The following RANBP2 variants were observed in gnomAD, a reference collection of about 807,000 sequenced individuals.
RANBP2 encodes RAN binding protein 2, also known as E3 SUMO-protein ligase RanBP2.
RANBP2 carries 57 observed loss-of-function variants against 303.6 expected under a neutral mutation model. The observed-to-expected ratio is 0.19, with a 90% CI of 0.15 to 0.23. RANBP2 has a LOEUF of 0.23. RANBP2 is among the 10% of genes least tolerant of loss of function. RANBP2 has a pLI of 1.00. For missense variants in RANBP2, 3,138 were observed against 3,780.8 expected (o/e 0.83, Z 4.46); for synonymous variants, 1,167 against 1,301.5 (o/e 0.90, Z 2.23).
chr2:109,206,320 C>T, the RANBP2 span, among the ~76,000 whole-genome samples: 4 of 151,714 alleles, frequency 2.6e-5, no homozygotes, highest in Admixed American at 2.6e-4. Context: ...GAAACCCTGT[C>T]TCTACTAAAA....
At chr2:109,055,402 C>T in the RANBP2 span, among the ~76,000 whole-genome samples, 1 of 142,244 alleles carries the variant, frequency 7.0e-6, no homozygotes, top group Non-Finnish European at 1.5e-5. Context: ...CACTCTGTCA[C>T]CCAGGCTGGA....
chr2:108,783,333 TAAAA>T lies in RANBP2; in HGVS notation c.9370-237_9370-234del, dbSNP rs71381992. The stretch of plus-strand genomic sequence containing the variant: ...GCGACAGAGTGAGACAGCCTGTCAT[TAAAA>T]AAAAAAAAAAAAAAAAAAAAAAAAA... On this transcript the variant is annotated intron_variant, in intron 28 of 28. Coordinates refer to ENST00000283195, the MANE Select transcript of RANBP2 (RefSeq NM_006267.5). Among the ~76,000 whole-genome samples the T allele has an allele frequency of 2.9e-4, 12 of 41,428 alleles. No homozygotes were observed. In the South Asian group the frequency reaches 0.012, roughly 43 times the overall value. 27.2% of individuals were successfully genotyped at this position (41,428 alleles called of 152,430 possible).
chr2:108,876,156 A>T, the RANBP2 span: 1 of 1,612,258 alleles, frequency 6.2e-7, no homozygotes, highest in East Asian at 2.2e-5. Context: ...AGGACAACAA[A>T]CCCAGAGCAT....
the RANBP2 span, among the ~76,000 whole-genome samples, chr2:109,126,685 A>G: frequency 1.3e-5 from 2 of 152,234 alleles, no homozygotes; most frequent in East Asian, 3.8e-4. Context: ...AACTAGAGAC[A>G]GGGACAGCAA....
At chr2:108,779,253 G>A (rs1035396290) in intron 25 of RANBP2, among the ~76,000 whole-genome samples, 1 of 152,034 alleles carries the variant, frequency 6.6e-6, no homozygotes, top group African/African-American at 2.4e-5. Context: ...ACCTCTGCTT[G>A]CTAGGTTCAA....
the RANBP2 span, among the ~76,000 whole-genome samples, chr2:109,290,642 C>T: frequency 2.0e-5 from 3 of 152,216 alleles, no homozygotes; most frequent in Admixed American, 1.3e-4. Flanking sequence ...AACTCAGACG[C>T]CCTCCCTCCC....
chr2:108,943,661 G>A, the RANBP2 span, among the ~76,000 whole-genome samples: 1 of 152,162 alleles, frequency 6.6e-6, no homozygotes, highest in Non-Finnish European at 1.5e-5. Context: ...TATTTTCCGT[G>A]GCCTGGTGTG....
the RANBP2 span, chr2:108,856,946 T>C: frequency 6.2e-7 from 1 of 1,607,048 alleles, no homozygotes; most frequent in Non-Finnish European, 8.5e-7. Flanking sequence ...TATTGATAGT[T>C]TGCTCCAGAT....
At chr2:109,381,802 C>T in the RANBP2 span, among the ~76,000 whole-genome samples, 7 of 152,080 alleles carry the variant, frequency 4.6e-5, no homozygotes, top group African/African-American at 1.4e-4. Flanking sequence ...TTTTATGGCT[C>T]GCAGGGTCTG....
chr2:108,976,443 A>G, the RANBP2 span, among the ~76,000 whole-genome samples: 1 of 152,284 alleles, frequency 6.6e-6, no homozygotes, highest in African/African-American at 2.4e-5. Flanking sequence ...GGGATGAAGC[A>G]GTGACTGGCA....
chr2:109,465,832 G>A, the RANBP2 span, among the ~76,000 whole-genome samples: 1 of 151,810 alleles, frequency 6.6e-6, no homozygotes, highest in Admixed American at 6.6e-5. Flanking sequence ...GGTCTCATGA[G>A]AACTCACTCA....
the RANBP2 span, among the ~76,000 whole-genome samples, chr2:109,534,457 A>G: frequency 1.3e-5 from 2 of 152,172 alleles, no homozygotes; most frequent in African/African-American, 2.4e-5. Context: ...AGAATAAGCA[A>G]TATTTATATT....
chr2:108,966,357 C>T, the RANBP2 span, among the ~76,000 whole-genome samples: 2 of 152,226 alleles, frequency 1.3e-5, no homozygotes, highest in African/African-American at 4.8e-5. Context: ...CTGAGACTGG[C>T]ATTAAGTCCC....
chr2:109,170,244 TTTCTCTTCTCTTCTCTTCTCTTCTC>T, the RANBP2 span, among the ~76,000 whole-genome samples: 215 of 32,970 alleles, frequency 6.5e-3, no homozygotes, highest in African/African-American at 0.02. Context: ...CTTCTTTTCT[TTTCTCTTCTCTTCTCTTCTCTTCTC>T]TTCTCTTCTC....
chr2:109,408,727 T>G, the RANBP2 span, among the ~76,000 whole-genome samples: 1 of 152,254 alleles, frequency 6.6e-6, no homozygotes, highest in Non-Finnish European at 1.5e-5. Context: ...CCACCCCTCC[T>G]GCAGCCACCG....
At chr2:109,577,157 T>C in the RANBP2 span, among the ~76,000 whole-genome samples, 1 of 152,118 alleles carries the variant, frequency 6.6e-6, no homozygotes, top group Non-Finnish European at 1.5e-5. Flanking sequence ...TGGAATGATA[T>C]TTCCAATGGA....
chr2:109,108,280 C>T, the RANBP2 span, among the ~76,000 whole-genome samples: 1 of 151,822 alleles, frequency 6.6e-6, no homozygotes, highest in Non-Finnish European at 1.5e-5. Flanking sequence ...ACCTCGTTAT[C>T]CGCCTGCCTC....
the RANBP2 span, among the ~76,000 whole-genome samples, chr2:109,352,262 C>G: frequency 2.0e-5 from 3 of 152,206 alleles, no homozygotes; most frequent in Non-Finnish European, 2.9e-5. Flanking sequence ...GTACATATCA[C>G]TTTTTATGTT....
the RANBP2 span, among the ~76,000 whole-genome samples, chr2:109,392,630 T>C: frequency 6.6e-6 from 1 of 152,068 alleles, no homozygotes; most frequent in Non-Finnish European, 1.5e-5. Context: ...GCCGTTCTCC[T>C]GCCTCAGCCT....
Sources: gnomAD v4.1 joint callset for allele counts (sites outside exome capture counted in the v4.1 genomes callset) on GRCh38, gnomAD v4.1.1 for gene constraint, MANE v1.5 for transcripts, NCBI Gene and HGNC (gene_info 2026-07-23, HGNC 2026-07-21) for gene names.